The following ZFHX4 variants were observed in gnomAD, a reference collection of about 807,000 sequenced individuals.
The protein encoded by ZFHX4 is zinc finger homeobox protein 4.
Under a neutral mutation model 267.6 loss-of-function variants are expected in ZFHX4, and 56 were observed. That is an observed-to-expected ratio of 0.21 (90% CI 0.17 to 0.26). ZFHX4 has a LOEUF of 0.26. Among genes scored for constraint, ZFHX4 ranks in the 10% least tolerant of loss-of-function variants. The pLI, the probability that ZFHX4 is intolerant of heterozygous loss-of-function variation, is 1.00. For synonymous variants in ZFHX4, 1,778 were observed against 1,665.6 expected, an observed-to-expected ratio of 1.07 and a Z score of -1.64; for missense variants, 4,332 against 4,420.0, an observed-to-expected ratio of 0.98 and a Z score of 0.56.
rs1284286582 is a variant in ZFHX4 at position 76,854,616 on chromosome 8, C to T, written c.7695C>T (p.Ser2565=). 1.2e-6 allele frequency: 2 copies of T among 1,613,616 alleles called. No individual in the cohort carries two copies. Among genetic ancestry groups the T allele is most frequent in the Admixed American group, 1.7e-5 (1 of 59,986 alleles). Residue 2565 remains serine (S), a synonymous_variant, in exon 10 of 11, where the codon TCC becomes TCT. Transcript: ENST00000651372. ...CTCAAATGCCCCCTCAGGCCAGTTC[C>T]TCCCACACCACAGCCCCCACAACGG... ...SLTQMPPQAS[S]SHTTAPTTVA...
At chr8:76,717,817 G>C (rs11773996) in intron 3 of ZFHX4, among the ~76,000 whole-genome samples, 30,259 of 152,016 alleles carry the variant, frequency 0.2, 3,596 homozygotes, top group African/African-American at 0.34. Flanking sequence ...GGCAGGTCTC[G>C]AACTCCTGGG....
chr8:76,693,730 C>A (rs1227036031), intron 1 of ZFHX4, among the ~76,000 whole-genome samples: 5 of 152,146 alleles, frequency 3.3e-5, no homozygotes, highest in Non-Finnish European at 7.3e-5. Flanking sequence ...CCACAATTGC[C>A]TGAAAGGTGA....
At chr8:76,826,793 T>C (rs772422484) in intron 4 of ZFHX4, among the ~76,000 whole-genome samples, 37 of 152,212 alleles carry the variant, frequency 2.4e-4, no homozygotes, top group Non-Finnish European at 4.1e-4. Context: ...ACATTATACC[T>C]ATAGGCAACA....
chr8:76,727,852 C>G (rs750673278), intron 3 of ZFHX4, among the ~76,000 whole-genome samples: 1 of 152,062 alleles, frequency 6.6e-6, no homozygotes, highest in Non-Finnish European at 1.5e-5. Context: ...TACAATAGAA[C>G]GTTCCTCCCC....
intron 5 of ZFHX4, among the ~76,000 whole-genome samples, chr8:76,836,183 G>A (rs1339631924): frequency 6.6e-6 from 1 of 152,090 alleles, no homozygotes; most frequent in African/African-American, 2.4e-5. Flanking sequence ...AAACAAAAAA[G>A]TATTTTCAGA....
intron 3 of ZFHX4, among the ~76,000 whole-genome samples, chr8:76,734,093 A>G (rs1445095015): frequency 6.6e-6 from 1 of 152,190 alleles, no homozygotes; most frequent in African/African-American, 2.4e-5. Flanking sequence ...TAGTTATCCC[A>G]GTGCTCCAGT....
chr8:76,774,713 C>T (rs1332751256), intron 3 of ZFHX4, among the ~76,000 whole-genome samples: 1 of 151,852 alleles, frequency 6.6e-6, no homozygotes, highest in African/African-American at 2.4e-5. Context: ...ACTTTACATA[C>T]ATAATTAAAT....
chr8:76,752,304 T>A (rs559893389), intron 3 of ZFHX4, among the ~76,000 whole-genome samples: 11 of 151,036 alleles, frequency 7.3e-5, no homozygotes, highest in African/African-American at 2.4e-4. Flanking sequence ...GTATGTTTTT[T>A]AAAAAAAATT....
chr8:76,740,269 A>C (rs1045121496), intron 3 of ZFHX4, among the ~76,000 whole-genome samples: 1 of 151,940 alleles, frequency 6.6e-6, no homozygotes, highest in Non-Finnish European at 1.5e-5. Flanking sequence ...AAGGAAGAAC[A>C]AAAAGGAAGG....
chr8:76,818,498 C>T (rs1439199176), intron 4 of ZFHX4, among the ~76,000 whole-genome samples: 3 of 152,098 alleles, frequency 2.0e-5, no homozygotes, highest in Admixed American at 6.5e-5. Context: ...GTATGAATGG[C>T]GTTGTTGAAG....
At chr8:76,701,989 G>T (rs1362596139) in intron 1 of ZFHX4, among the ~76,000 whole-genome samples, 1 of 152,092 alleles carries the variant, frequency 6.6e-6, no homozygotes, top group East Asian at 1.9e-4. Context: ...GCCAGCAAGA[G>T]ATTATATTTT....
intron 4 of ZFHX4, among the ~76,000 whole-genome samples, chr8:76,799,526 C>T (rs925769791): frequency 1.3e-5 from 2 of 152,074 alleles, no homozygotes; most frequent in African/African-American, 2.4e-5. Context: ...GAATTTTGAA[C>T]GAGCCAATAG....
At chr8:76,801,173 A>T (rs1227697518) in intron 4 of ZFHX4, among the ~76,000 whole-genome samples, 1 of 152,168 alleles carries the variant, frequency 6.6e-6, no homozygotes, top group Non-Finnish European at 1.5e-5. Flanking sequence ...AATTAAAAAA[A>T]AAAAATTGAA....
intron 3 of ZFHX4, among the ~76,000 whole-genome samples, chr8:76,747,291 G>C (rs377478379): frequency 6.6e-6 from 1 of 152,054 alleles, no homozygotes; most frequent in East Asian, 1.9e-4. Context: ...TTTTATTTTA[G>C]GTTCAGGGGG....
At chr8:76,847,736 A>AT (rs137929489) in intron 6 of ZFHX4, among the ~76,000 whole-genome samples, 7,318 of 151,910 alleles carry the variant, frequency 0.048, 266 homozygotes, top group East Asian at 0.18. Context: ...AATAGAATGT[A>AT]TTTTTTTTGT....
chr8:76,694,580 G>A (rs929502379), intron 1 of ZFHX4, among the ~76,000 whole-genome samples: 3 of 151,932 alleles, frequency 2.0e-5, no homozygotes, highest in African/African-American at 7.3e-5. Flanking sequence ...GTTTGCACTG[G>A]GGCAGAGGTT....
rs373112554 is a variant in ZFHX4, at chr8:76,856,072, G to T, written c.9151G>T (p.Ala3051Ser). 14 of 1,613,834 alleles carry T rather than the reference G, an allele frequency of 8.7e-6. No homozygotes were observed. The African/African-American group carries it at 1.6e-4, about 18-fold the overall frequency. Residue 3051 changes from alanine to serine, a missense_variant, in exon 10 of 11, where the codon GCT (alanine) becomes TCT (serine). Ala to Ser is a moderately conservative substitution (Grantham distance 99). Coordinates refer to ENST00000651372, the MANE Select transcript of ZFHX4 (RefSeq NM_024721.5). ...SQLDREKDYL[A>S]PTTVRQLMAQ... ...GCTCGATCGGGAGAAAGATTACTTGGCTCCGACCACGGTTCGGCAGCTGAT... is the reference window on the plus strand; with the variant it reads ...GCTCGATCGGGAGAAAGATTACTTGTCTCCGACCACGGTTCGGCAGCTGAT...
At chr8:76,769,451 G>A (rs1810201183) in intron 3 of ZFHX4, among the ~76,000 whole-genome samples, 1 of 151,910 alleles carries the variant, frequency 6.6e-6, no homozygotes, top group East Asian at 1.9e-4. Flanking sequence ...CCAGGCTTAA[G>A]CGATCCTCCT....
intron 3 of ZFHX4, among the ~76,000 whole-genome samples, chr8:76,739,716 T>A (rs940089928): frequency 3.9e-5 from 6 of 152,152 alleles, no homozygotes; most frequent in Non-Finnish European, 5.9e-5. Context: ...TTCTTGCCTA[T>A]CACGAGTAAA....
Sources: gnomAD v4.1 joint callset for allele counts (sites outside exome capture counted in the v4.1 genomes callset) on GRCh38, gnomAD v4.1.1 for gene constraint, MANE v1.5 for transcripts, NCBI Gene and HGNC (gene_info 2026-07-23, HGNC 2026-07-21) for gene names.